SPOCK3: variants seen among roughly 807,000 people sequenced by gnomAD.
SPOCK3 encodes SPARC (osteonectin), cwcv and kazal like domains proteoglycan 3.
SPOCK3 carries 30 observed loss-of-function variants against 56.6 expected under a neutral mutation model. That is an observed-to-expected ratio of 0.53 (90% CI 0.40 to 0.72). SPOCK3 has a LOEUF of 0.72. Ranked by LOEUF, SPOCK3 falls within the 30% of genes least tolerant of loss-of-function variation. SPOCK3 has a pLI of 0.00. For missense variants in SPOCK3, 527 were observed against 530.0 expected (o/e 0.99, Z 0.06); for synonymous variants, 196 against 183.3 (o/e 1.07, Z -0.56).
At chr4:166,964,764 G>T (rs1744524642) in intron 4 of SPOCK3, among the ~76,000 whole-genome samples, 1 of 151,540 alleles carries the variant, frequency 6.6e-6, no homozygotes, top group Non-Finnish European at 1.5e-5. Flanking sequence ...AAAAATCAAA[G>T]AACTAAAATT....
intron 4 of SPOCK3, among the ~76,000 whole-genome samples, chr4:166,987,232 G>A (rs995421759): frequency 1.6e-4 from 25 of 152,034 alleles, no homozygotes; most frequent in Admixed American, 1.6e-3. Context: ...TGCCAAGTCC[G>A]TTTCTGCTAC....
chr4:166,924,722 G>A (rs1444677232), intron 4 of SPOCK3, among the ~76,000 whole-genome samples: 2 of 152,204 alleles, frequency 1.3e-5, no homozygotes, highest in Non-Finnish European at 2.9e-5. Flanking sequence ...AAAAAGGTTA[G>A]TAGGTCCCAG....
rs192855303 is a variant in SPOCK3, at chr4:167,043,188, T to C, written c.235+19304A>G. ...TTTTCTGCTTTTCTTATAGAAAGCT[T>C]GTTTATATTTGGTTAGATTTATACC... On this transcript the variant is annotated intron_variant, in intron 3 of 10. Coordinates refer to ENST00000357545, the MANE Select transcript of SPOCK3 (RefSeq NM_001040159.2). 3.3e-4 allele frequency among the ~76,000 whole-genome samples: 50 copies of C among 152,194 alleles called. 1 individual carries two copies. The highest frequency in any genetic ancestry group is 1.8e-3 in the Admixed American group (27 of 15,270).
intron 2 of SPOCK3, among the ~76,000 whole-genome samples, chr4:167,157,505 G>A (rs1289179835): frequency 1.3e-5 from 2 of 151,606 alleles, no homozygotes; most frequent in Non-Finnish European, 2.9e-5. Context: ...AAAATGAGGT[G>A]GGGGTAGTTG....
chr4:167,071,909 G>A (rs1018032036), intron 2 of SPOCK3, among the ~76,000 whole-genome samples: 30 of 152,016 alleles, frequency 2.0e-4, no homozygotes, highest in African/African-American at 2.7e-4. Context: ...TTTAATGATC[G>A]CCATTCTAAC....
In SPOCK3 at chr4:166,908,717, T is replaced by C. The variant is rs563634808; in HGVS notation, c.474+3903A>G. 3.9e-5 allele frequency among the ~76,000 whole-genome samples: 6 copies of C among 152,174 alleles called. No individual in the cohort carries two copies. The South Asian group carries it at 1.2e-3, about 32-fold the overall frequency. ...ACATGTTCTACTCAAGTCTAAAAGG[T>C]TAATATTATTTATTGACTTGTGCTC... On this transcript the variant is annotated intron_variant, in intron 5 of 10. Coordinates refer to ENST00000357545, the MANE Select transcript of SPOCK3 (RefSeq NM_001040159.2).
intron 3 of SPOCK3, among the ~76,000 whole-genome samples, chr4:167,011,855 AG>A (rs1579991021): frequency 6.6e-6 from 1 of 152,066 alleles, no homozygotes; most frequent in African/African-American, 2.4e-5. Flanking sequence ...ACCAAATGTG[AG>A]GTATGCTTTT....
rs149875070 is a variant in SPOCK3 at position 166,922,996 on chromosome 4, C to T, written c.351-10253G>A. Among the ~76,000 whole-genome samples, 61 of 152,230 alleles carry T rather than the reference C, an allele frequency of 4.0e-4. 1 individual carries two copies. The East Asian group carries it at 0.01, about 26-fold the overall frequency. On this transcript the variant is annotated intron_variant, in intron 4 of 10. Coordinates refer to ENST00000357545, the MANE Select transcript of SPOCK3 (RefSeq NM_001040159.2). Reference sequence around the variant, plus strand: ...ACCAAAAACTTGCTGATTTAAACAACGAAATTTAATCTCTCACCGTTAGGA... The same window carrying T: ...ACCAAAAACTTGCTGATTTAAACAATGAAATTTAATCTCTCACCGTTAGGA...
intron 6 of SPOCK3, among the ~76,000 whole-genome samples, chr4:166,848,473 G>T (rs899831848): frequency 2.0e-5 from 3 of 152,144 alleles, no homozygotes; most frequent in Non-Finnish European, 2.9e-5. Context: ...TAGAGAAATG[G>T]TCAATAAGTG....
intron 4 of SPOCK3, among the ~76,000 whole-genome samples, chr4:166,937,796 C>T (rs563245226): frequency 3.5e-5 from 5 of 142,804 alleles, no homozygotes; most frequent in African/African-American, 1.0e-4. Flanking sequence ...GTCACTCTGT[C>T]GCCCAGGCTA....
At chr4:166,935,316 A>G (rs1740284486) in intron 4 of SPOCK3, among the ~76,000 whole-genome samples, 1 of 152,108 alleles carries the variant, frequency 6.6e-6, no homozygotes, top group Non-Finnish European at 1.5e-5. Context: ...AAAGTGGCAA[A>G]ACTCCAAGCT....
chr4:166,959,288 G>GA, intron 4 of SPOCK3, among the ~76,000 whole-genome samples: 1 of 152,058 alleles, frequency 6.6e-6, no homozygotes, highest in Non-Finnish European at 1.5e-5. Flanking sequence ...AGAAAAATGA[G>GA]AAAACTAGGT....
At chr4:167,231,363 C>T (rs151149489) in intron 2 of SPOCK3, among the ~76,000 whole-genome samples, 153 of 152,046 alleles carry the variant, frequency 1.0e-3, no homozygotes, top group African/African-American at 3.3e-3. Flanking sequence ...TATGCTGATG[C>T]TTTCCAAGGC....
intron 3 of SPOCK3, among the ~76,000 whole-genome samples, chr4:167,004,347 A>G: frequency 6.6e-6 from 1 of 152,172 alleles, no homozygotes; most frequent in East Asian, 1.9e-4. Flanking sequence ...AAAAATGTAG[A>G]AAAAGGATGC....
intron 2 of SPOCK3, among the ~76,000 whole-genome samples, chr4:167,070,338 C>A (rs919282390): frequency 6.6e-6 from 1 of 151,864 alleles, no homozygotes; most frequent in Non-Finnish European, 1.5e-5. Flanking sequence ...ATTTTATTTT[C>A]ATTCAAATCT....
intron 2 of SPOCK3, among the ~76,000 whole-genome samples, chr4:167,177,223 CAGG>C (rs1731062944): frequency 6.6e-6 from 1 of 151,862 alleles, no homozygotes; most frequent in African/African-American, 2.4e-5. Flanking sequence ...GGCAATTCTT[CAGG>C]AGAAGAACCC....
At chr4:166,920,846 A>G (rs1738402207) in intron 4 of SPOCK3, among the ~76,000 whole-genome samples, 1 of 152,188 alleles carries the variant, frequency 6.6e-6, no homozygotes, top group Non-Finnish European at 1.5e-5. Flanking sequence ...AACAGAAGCC[A>G]ATGATTTTAG....
chr4:166,779,453 T>C (rs909207446), intron 7 of SPOCK3, among the ~76,000 whole-genome samples: 6 of 151,564 alleles, frequency 4.0e-5, no homozygotes, highest in African/African-American at 1.5e-4. Flanking sequence ...AAATATAAAT[T>C]ATAAGAATGA....
intron 4 of SPOCK3, among the ~76,000 whole-genome samples, chr4:166,957,405 C>G (rs1743619409): frequency 6.6e-6 from 1 of 152,200 alleles, no homozygotes; most frequent in African/African-American, 2.4e-5. Flanking sequence ...AGTACACTTC[C>G]CTTTAGTAAT....
Sources: allele counts gnomAD v4.1 joint callset (sites outside exome capture counted in the v4.1 genomes callset), GRCh38; gene constraint gnomAD v4.1.1; transcripts MANE v1.5; gene names NCBI Gene and HGNC (gene_info 2026-07-23, HGNC 2026-07-21).